Variants in KCNG1 observed in about 807,000 individuals in gnomAD.
KCNG1 encodes voltage-gated potassium channel regulatory subunit KCNG1.
In KCNG1, 17 loss-of-function variants were observed where a neutral mutation model predicts 32.4. The ratio of observed to expected loss-of-function variants is 0.52; its 90% CI spans 0.36 to 0.79. The LOEUF is 0.79. KCNG1 is among the 30% of genes least tolerant of loss of function. KCNG1 has a pLI of 0.00. For synonymous variants in KCNG1, 358 were observed against 339.9 expected, an observed-to-expected ratio of 1.05 and a Z score of -0.59; for missense variants, 441 against 735.2, an observed-to-expected ratio of 0.60 and a Z score of 4.63.
Position 51,004,681 on chromosome 20 carries a change from C to T in KCNG1, c.900G>A (p.Pro300=), listed in dbSNP as rs930609443. ...TGGCCACCAGGTCGATCAGCGTCAG[C>T]GGGCTCCGCAGGAAGGCGAACTTGC... The part of the protein sequence containing the change: ...APSKFAFLRS[P]LTLIDLVAIL... The change falls in exon 3 of 3, where the codon CCG becomes CCA. Residue 300 remains proline, a synonymous_variant. Coordinates refer to ENST00000371571, the MANE Select transcript of KCNG1 (RefSeq NM_002237.4). The surrounding 1 kb of genome is among the most constrained non-coding windows in gnomAD (Gnocchi z 4.3). 40 of 1,601,782 alleles carry T rather than the reference C, an allele frequency of 2.5e-5. No individual in the cohort carries two copies. Among genetic ancestry groups the T allele is most frequent in the Non-Finnish European group, 3.4e-5 (40 of 1,174,192 alleles).
intron 1 of KCNG1, among the ~76,000 whole-genome samples, chr20:51,010,771 T>C (rs573512634): frequency 2.0e-4 from 31 of 152,272 alleles, no homozygotes; most frequent in Admixed American, 1.9e-3. Context: ...GGCGTGCACC[T>C]GTAATCCTAG....
chr20:51,009,966 C>T lies in KCNG1; in HGVS notation c.373G>A (p.Gly125Ser). ...FFFDRNPGAF[G>S]TILTFLRAGK... is the part of the protein sequence containing the mutation. ...GCGCGCAGGAAGGTCAGGATAGTGC[C>T]GAAGGCCCCCGGGTTGCGGTCGAAG... Residue 125 changes from glycine (G) to serine (S), a missense_variant, in exon 2 of 3, where the codon GGC becomes AGC. Gly to Ser is a moderately conservative substitution (Grantham distance 56). Coordinates refer to ENST00000371571, the MANE Select transcript of KCNG1 (RefSeq NM_002237.4). The T allele has an allele frequency of 1.2e-6, 2 of 1,613,944 alleles. No homozygotes were observed. The highest frequency in any genetic ancestry group is 8.5e-7 in the Non-Finnish European group (1 of 1,179,978).
rs981449675 is a variant in KCNG1 at position 51,015,877 on chromosome 20, C to T, written c.-26-5513G>A. On this transcript the variant is annotated intron_variant, in intron 1 of 2. Transcript: ENST00000371571. This position sits in a 1 kb window ranked among gnomAD's most constrained non-coding sequence, Gnocchi z 4.4. ...CAGGAGATGGAGCGGCAGAGGGCTG[C>T]GGCATGAGAATGACTCCACTGGCCA... Among the ~76,000 whole-genome samples, 2 of 152,198 alleles carry T rather than the reference C, an allele frequency of 1.3e-5. No individual in the cohort carries two copies. The highest frequency in any genetic ancestry group is 2.4e-5 in the African/African-American group (1 of 41,512).
chr20:51,010,209 G>T lies in KCNG1; in HGVS notation c.130C>A (p.Gln44Lys), dbSNP rs1201625415. ...AIKGAFYRRA[Q>K]RLRPQDEPRQ... ...GGCTCATCCTGCGGCCGCAGCCGCTGCGCCCGGCGGTAGAACGCGCCCTTG... is the reference window on the plus strand; with the variant it reads ...GGCTCATCCTGCGGCCGCAGCCGCTTCGCCCGGCGGTAGAACGCGCCCTTG... The change falls in exon 2 of 3, where the codon CAG (glutamine) becomes AAG (lysine). Residue 44 changes from glutamine (Q) to lysine (K), a missense_variant. This residue lies in a region of KCNG1 where 85 missense variants were observed against 98.2 expected (regional missense o/e 0.87). Transcript: ENST00000371571. 1 of 1,584,524 alleles carries T rather than the reference G, an allele frequency of 6.3e-7. No individual in the cohort carries two copies. Among genetic ancestry groups the T allele is most frequent in the South Asian group, 1.1e-5 (1 of 87,728 alleles).
chr20:51,008,299 G>A (rs765975611), intron 2 of KCNG1, among the ~76,000 whole-genome samples: 4 of 152,082 alleles, frequency 2.6e-5, no homozygotes, highest in African/African-American at 7.2e-5. Flanking sequence ...GCGGGGCAGG[G>A]GGAGGGGAGG....
rs760792942 is a variant in KCNG1, at chr20:51,009,743, GGGCCCTCGCTGTCGC to G, written c.581_595del (p.Arg194_Gly198del). ...CCCCAGGCGGCCCTCGCCCTCGGCC[GGGCCCTCGCTGTCGC>G]GGCCCTCGCTGTCCAGCGCGTCGTC... On this transcript the variant is annotated inframe_deletion, in exon 2 of 3. Transcript: ENST00000371571. 21 of 1,608,028 alleles carry G rather than the reference GGGCCCTCGCTGTCGC, an allele frequency of 1.3e-5. No individual in the cohort carries two copies. In the Admixed American group the frequency reaches 2.2e-4, roughly 17 times the overall value.
chr20:51,016,206 G>A (rs1988274913), intron 1 of KCNG1, among the ~76,000 whole-genome samples: 1 of 152,212 alleles, frequency 6.6e-6, no homozygotes, highest in South Asian at 2.1e-4. Flanking sequence ...GGAGGCCAAG[G>A]CGGGTGGATC....
intron 1 of KCNG1, among the ~76,000 whole-genome samples, chr20:51,019,723 C>G (rs1475484445): frequency 6.6e-6 from 1 of 152,004 alleles, no homozygotes; most frequent in Non-Finnish European, 1.5e-5. Context: ...GTCTCGGGGA[C>G]CCGTCCGTCT....
At position 51,003,926 on chromosome 20, in the gene KCNG1, G is replaced by A. The variant is rs1205481114; in HGVS notation, c.*113C>T. On this transcript the variant is annotated 3_prime_UTR_variant, in exon 3 of 3. Transcript: ENST00000371571. ...GTCCTTCCCCGGGTGCGTGGGAGTC[G>A]GTGCTGCGCCAGGACTGCACTCGGA... The A allele has an allele frequency of 3.3e-6, 4 of 1,209,780 alleles. No homozygotes were observed. The highest frequency in any genetic ancestry group is 4.9e-5 in the East Asian group (2 of 40,776). The allele number at this position is 1,209,780 out of a possible 1,614,324, so 74.9% of individuals were successfully genotyped here. A position where few individuals can be genotyped will look rare whatever the true frequency, so the allele number is the denominator to read the frequency against.
chr20:51,017,563 T>TAAAAAGA (rs796158424), intron 1 of KCNG1, among the ~76,000 whole-genome samples: 78 of 152,056 alleles, frequency 5.1e-4, no homozygotes, highest in African/African-American at 1.8e-3. Flanking sequence ...AACCCAGGTT[T>TAAAAAGA]AAAAAGAAAA....
Position 51,010,150 on chromosome 20 carries a change from A to T in KCNG1, c.189T>A (p.Arg63=). The change falls in exon 2 of 3, where the codon CGT becomes CGA. Residue 63 remains arginine, a synonymous_variant. Coordinates refer to ENST00000371571, the MANE Select transcript of KCNG1 (RefSeq NM_002237.4). ...RQGCQPEDRR[R]RIIINVGGIK... ...TGCCGCCTACGTTGATGATGATCCG[A>T]CGGCGGCGGTCCTCGGGCTGACAGC... is the stretch of plus-strand genomic sequence containing the variant. 6.2e-7 allele frequency: 1 copy of T among 1,610,930 alleles called. No individual in the cohort carries two copies. The highest frequency in any genetic ancestry group is 8.5e-7 in the Non-Finnish European group (1 of 1,178,368).
chr20:51,007,753 G>A (rs888260693), intron 2 of KCNG1, among the ~76,000 whole-genome samples: 1 of 152,100 alleles, frequency 6.6e-6, no homozygotes, highest in Non-Finnish European at 1.5e-5. Flanking sequence ...CCAGTACAGT[G>A]TAATCTTAGC....
In KCNG1 at chr20:51,003,973, C is replaced by A. The variant is rs576665813; in HGVS notation, c.*66G>T. On this transcript the variant is annotated 3_prime_UTR_variant, in exon 3 of 3. Coordinates refer to ENST00000371571, the MANE Select transcript of KCNG1 (RefSeq NM_002237.4). Reference sequence around the variant, plus strand: ...CGGAAGCGGCCTGTCCCTCTCCAGGCGTCTGCAGTGGATGGCAATGGCTTC... The same window carrying A: ...CGGAAGCGGCCTGTCCCTCTCCAGGAGTCTGCAGTGGATGGCAATGGCTTC... The A allele has an allele frequency of 1.1e-4, 172 of 1,552,534 alleles. No homozygotes were observed. The Middle Eastern group carries it at 1.1e-3, about 10-fold the overall frequency.
intron 1 of KCNG1, among the ~76,000 whole-genome samples, chr20:51,020,329 C>T (rs1442921409): frequency 6.6e-6 from 1 of 152,052 alleles, no homozygotes; most frequent in African/African-American, 2.4e-5. Flanking sequence ...CTCAGGACGG[C>T]AGGAAGGGAG....
At chr20:51,016,110 G>A (rs1988271327) in intron 1 of KCNG1, among the ~76,000 whole-genome samples, 1 of 152,216 alleles carries the variant, frequency 6.6e-6, no homozygotes, top group East Asian at 1.9e-4. Context: ...AAGCCACCCA[G>A]TTTGTGGTAA....
rs373091329 is a variant in KCNG1 at position 51,005,481 on chromosome 20, C to A, written c.775-675G>T. 2 of 152,404 alleles carry A rather than the reference C, an allele frequency of 1.3e-5. No homozygotes were observed. Among genetic ancestry groups the A allele is most frequent in the East Asian group, 3.9e-4 (2 of 5,178 alleles). The allele number at this position is 152,404 out of a possible 1,614,324, so 9.4% of individuals were successfully genotyped here. A position where few individuals can be genotyped will look rare whatever the true frequency, so the allele number is the denominator to read the frequency against. ...TCAGTGCCCCCATCACTGCCCCGGG[C>A]AAATTTAGGCTGAGGCTGCCTCACC... On this transcript the variant is annotated intron_variant, in intron 2 of 2. Transcript: ENST00000371571. This position sits in a 1 kb window ranked among gnomAD's most constrained non-coding sequence, Gnocchi z 4.0.
At chr20:51,011,892 G>T (rs1274380228) in intron 1 of KCNG1, among the ~76,000 whole-genome samples, 2 of 152,228 alleles carry the variant, frequency 1.3e-5, no homozygotes, top group African/African-American at 2.4e-5. Flanking sequence ...CGCGCCGCGG[G>T]TTCAAGCAAT....
rs1034806809 is a variant in KCNG1 at position 51,005,230 on chromosome 20, A to C, written c.775-424T>G. On this transcript the variant is annotated intron_variant, in intron 2 of 2. Coordinates refer to ENST00000371571, the MANE Select transcript of KCNG1 (RefSeq NM_002237.4). The surrounding 1 kb of genome is among the most constrained non-coding windows in gnomAD (Gnocchi z 4.0). ...CCTTACCACCTTGCGTATAACCCCC[A>C]GGAAGTCTCTTCATTTAAAACAGTG... is the stretch of plus-strand genomic sequence containing the variant. 1 of 158,384 alleles carries C rather than the reference A, an allele frequency of 6.3e-6. No homozygotes were observed. Among genetic ancestry groups the C allele is most frequent in the African/African-American group, 2.4e-5 (1 of 41,640 alleles). 9.8% of individuals were successfully genotyped at this position (158,384 alleles called of 1,614,324 possible).
chr20:51,010,325 G>A lies in KCNG1; in HGVS notation c.14C>T (p.Pro5Leu), dbSNP rs1187419187. 6.6e-7 allele frequency: 1 copy of A among 1,504,062 alleles called. No homozygotes were observed. Among genetic ancestry groups the A allele is most frequent in the Non-Finnish European group, 8.8e-7 (1 of 1,135,580 alleles). 93.2% of individuals were successfully genotyped at this position (1,504,062 alleles called of 1,614,324 possible). A position where few individuals can be genotyped will look rare whatever the true frequency, so the allele number is the denominator to read the frequency against. The change falls in exon 2 of 3, where the codon CCG (proline) becomes CTG (leucine). Residue 5 changes from proline to leucine, a missense_variant. By Grantham distance (98) the Pro-to-Leu change is moderately conservative. Transcript: ENST00000371571. ...GTAGTCGTAGTCAGAATTGTCTCCCGGTAAGAGGGTCATTTTGGGCCTTCA... is the reference window on the plus strand; with the variant it reads ...GTAGTCGTAGTCAGAATTGTCTCCCAGTAAGAGGGTCATTTTGGGCCTTCA... Reference protein sequence around the residue: MTLLPGDNSDYDYSA... With the variant: MTLLLGDNSDYDYSA...
Sources: allele counts gnomAD v4.1 joint callset (sites outside exome capture counted in the v4.1 genomes callset), GRCh38; gene constraint gnomAD v4.1.1; regional missense constraint gnomAD v4.1.1; non-coding constraint Gnocchi (gnomAD v3.1); transcripts MANE v1.5; gene names NCBI Gene and HGNC (gene_info 2026-07-23, HGNC 2026-07-21).